The following FBXO27 variants were observed in gnomAD, a reference collection of about 807,000 sequenced individuals.
FBXO27 encodes the protein F-box protein 27.
A neutral mutation model predicts 28.3 loss-of-function variants in FBXO27; 28 were observed. That is an observed-to-expected ratio of 0.99 (90% CI 0.73 to 1.36). FBXO27 has a LOEUF of 1.36. Among genes scored for constraint, FBXO27 ranks in the 40% most tolerant of loss-of-function variants. FBXO27 has a pLI of 0.00. For missense variants in FBXO27, 388 were observed against 394.1 expected (o/e 0.98, Z 0.13); for synonymous variants, 175 against 167.3 (o/e 1.05, Z -0.36).
chr19:39,017,901 A>C (rs899936795), intron 1 of FBXO27, among the ~76,000 whole-genome samples: 4 of 152,162 alleles, frequency 2.6e-5, no homozygotes, highest in Admixed American at 2.0e-4. Flanking sequence ...CATGGATCCC[A>C]AAATCCACAG....
At chr19:39,007,084 A>G (rs993533692) in intron 2 of FBXO27, among the ~76,000 whole-genome samples, 5 of 140,982 alleles carry the variant, frequency 3.5e-5, no homozygotes, top group Admixed American at 1.5e-4. Context: ...AAAAATACAG[A>G]AAAGTACAAT....
At chr19:39,029,699 G>A (rs2072892022) in intron 4 of FBXO27, among the ~76,000 whole-genome samples, 1 of 152,016 alleles carries the variant, frequency 6.6e-6, no homozygotes, top group Non-Finnish European at 1.5e-5. Context: ...AAACCATCTG[G>A]GTCATATATC....
At chr19:39,012,824 G>A (rs558185742) in intron 2 of FBXO27, among the ~76,000 whole-genome samples, 1 of 152,058 alleles carries the variant, frequency 6.6e-6, no homozygotes, top group East Asian at 1.9e-4. Context: ...GCCAGACGTG[G>A]AGGCGCGGGC....
exon 2 of FBXO27, chr19:39,014,433 G>A (rs2072810065): frequency 6.6e-6 from 1 of 152,194 alleles, no homozygotes; most frequent in Non-Finnish European, 1.5e-5. Flanking sequence ...AACACGCACG[G>A]GCTGGATGCA....
intron 2 of FBXO27, among the ~76,000 whole-genome samples, chr19:39,008,852 G>A (rs1483902577): frequency 1.3e-5 from 2 of 152,012 alleles, no homozygotes; most frequent in East Asian, 3.9e-4. Flanking sequence ...ACAGAGTCTC[G>A]CTCCATCGCC....
In FBXO27 at chr19:39,032,151, A is replaced by G; in HGVS notation, c.77T>C (p.Leu26Pro). The change falls in exon 2 of 6, where the codon CTG becomes CCG. Residue 26 changes from leucine to proline, a missense_variant. Coordinates refer to ENST00000292853, the MANE Select transcript of FBXO27 (RefSeq NM_178820.5). The surrounding 1 kb of genome is among the most constrained non-coding windows in gnomAD (Gnocchi z 4.7). The part of the protein sequence containing the change: ...PEPEPEEALD[L>P]SQLPPELLLV... Reference sequence around the variant, plus strand: ...AAGCAGCTCTGGGGGTAGTTGGCTCAGGTCCAGCGCCTCTTCGGGTTCCGG... The same window carrying G: ...AAGCAGCTCTGGGGGTAGTTGGCTCGGGTCCAGCGCCTCTTCGGGTTCCGG... 5.2e-6 allele frequency: 8 copies of G among 1,539,968 alleles called. No homozygotes were observed. The highest frequency in any genetic ancestry group is 7.0e-6 in the Non-Finnish European group (8 of 1,149,132).
intron 1 of FBXO27, among the ~76,000 whole-genome samples, chr19:39,015,146 T>C (rs948895483): frequency 6.7e-6 from 1 of 149,254 alleles, no homozygotes; most frequent in South Asian, 2.1e-4. Context: ...CAAAACCCCC[T>C]CTCTACAAAA....
downstream of FBXO27, among the ~76,000 whole-genome samples, chr19:39,020,989 G>C (rs2072842889): frequency 6.6e-6 from 1 of 151,988 alleles, no homozygotes; most frequent in Non-Finnish European, 1.5e-5. Context: ...TGAGTAGCAG[G>C]GATTACAGGC....
downstream of FBXO27, among the ~76,000 whole-genome samples, chr19:39,020,829 A>T (rs1461532660): frequency 2.7e-5 from 4 of 150,562 alleles, no homozygotes; most frequent in Admixed American, 1.3e-4. Context: ...GAGCTAATAG[A>T]TACCACACCA....
At chr19:39,027,771 C>T (rs2072881275) in intron 4 of FBXO27, among the ~76,000 whole-genome samples, 2 of 151,966 alleles carry the variant, frequency 1.3e-5, no homozygotes, top group Non-Finnish European at 1.5e-5. Context: ...GCCTCCGCCT[C>T]CCAAAGTGTT....
At chr19:39,006,091 C>T (rs1387851192) in intron 2 of FBXO27, among the ~76,000 whole-genome samples, 3 of 152,150 alleles carry the variant, frequency 2.0e-5, no homozygotes, top group Non-Finnish European at 4.4e-5. Flanking sequence ...TATAAAGAAA[C>T]ATCAGACAAA....
chr19:39,006,681 G>A (rs566337152), intron 2 of FBXO27, among the ~76,000 whole-genome samples: 66 of 152,250 alleles, frequency 4.3e-4, no homozygotes, highest in Middle Eastern at 6.8e-3. Context: ...TCAAGACATT[G>A]ACTCAGGCAC....
At position 39,031,109 on chromosome 19, in the gene FBXO27, C is replaced by G. The variant is rs1039954348; in HGVS notation, c.492G>C (p.Lys164Asn). ...FVTSFSWCCK[K>N]QVLDLEEEGL... ...CCTCCTCCTCTAGGTCCAAGACCTG[C>G]TTCTTGCAACACCAGCTGGGAATGC... Residue 164 changes from lysine (K) to asparagine (N), a missense_variant, in exon 4 of 6, where the codon AAG (lysine) becomes AAC (asparagine). Coordinates refer to ENST00000292853, the MANE Select transcript of FBXO27 (RefSeq NM_178820.5). 1.1e-5 allele frequency: 17 copies of G among 1,614,016 alleles called. No homozygotes were observed. The highest frequency in any genetic ancestry group is 1.4e-5 in the Non-Finnish European group (17 of 1,180,012).
chr19:39,032,278 G>A lies in FBXO27; in HGVS notation c.-26-25C>T. On this transcript the variant is annotated intron_variant, in intron 1 of 5. Transcript: ENST00000292853. This position sits in a 1 kb window ranked among gnomAD's most constrained non-coding sequence, Gnocchi z 4.7. The stretch of plus-strand genomic sequence containing the variant: ...GCTGCGGGAGAGGAAGGGTCAAGGC[G>A]TCAGGGACCAGCAGCCTCCGCGGCG... 6 of 1,390,764 alleles carry A rather than the reference G, an allele frequency of 4.3e-6. No individual in the cohort carries two copies. The highest frequency in any genetic ancestry group is 5.5e-6 in the Non-Finnish European group (6 of 1,083,034). The allele number at this position is 1,390,764 out of a possible 1,614,324, so 86.2% of individuals were successfully genotyped here. A position where few individuals can be genotyped will look rare whatever the true frequency, so the allele number is the denominator to read the frequency against.
intron 4 of FBXO27, 169 bp downstream of exon 4, chr19:39,030,860 G>A: frequency 1.5e-6 from 1 of 666,500 alleles, no homozygotes; most frequent in Non-Finnish European, 2.7e-6. Flanking sequence ...TGCCTGCCTC[G>A]ACCCCCCAAA....
chr19:39,016,795 A>T (rs2072822588), intron 1 of FBXO27, among the ~76,000 whole-genome samples: 1 of 150,372 alleles, frequency 6.7e-6, no homozygotes, highest in East Asian at 1.9e-4. Context: ...AAAAAAAAGC[A>T]TATTAAATAA....
downstream of FBXO27, among the ~76,000 whole-genome samples, chr19:39,019,677 T>A (rs2072836519): frequency 6.6e-6 from 1 of 151,970 alleles, no homozygotes; most frequent in Non-Finnish European, 1.5e-5. Flanking sequence ...AGCAGATGGG[T>A]TCCCAGGTGC....
chr19:39,006,540 C>T (rs2144876802), intron 2 of FBXO27, among the ~76,000 whole-genome samples: 1 of 152,010 alleles, frequency 6.6e-6, no homozygotes, highest in South Asian at 2.1e-4. Context: ...GCCTGGGCAA[C>T]AAGAGCGAAA....
chr19:39,022,446 C>T (rs1292790456), downstream of FBXO27, among the ~76,000 whole-genome samples: 2 of 151,860 alleles, frequency 1.3e-5, no homozygotes, highest in African/African-American at 4.8e-5. Context: ...CAGTCTTTCC[C>T]GAATATTGTC....
Sources: allele counts gnomAD v4.1 joint callset (sites outside exome capture counted in the v4.1 genomes callset), GRCh38; gene constraint gnomAD v4.1.1; non-coding constraint Gnocchi (gnomAD v3.1); transcripts MANE v1.5; gene names NCBI Gene and HGNC (gene_info 2026-07-23, HGNC 2026-07-21).